Variants in CPNE4 observed in about 807,000 individuals in gnomAD.
CPNE4 encodes copine-4.
A neutral mutation model predicts 67.9 loss-of-function variants in CPNE4; 25 were observed. That is an observed-to-expected ratio of 0.37 (90% CI 0.27 to 0.51). The LOEUF is 0.51. CPNE4 is among the 20% of genes least tolerant of loss of function. The pLI is 0.93. For synonymous variants in CPNE4, 242 were observed against 244.9 expected (o/e 0.99, Z 0.11); for missense variants, 464 against 690.8 (o/e 0.67, Z 3.68).
At chr3:131,571,631 AC>A (rs1937342552) in intron 10 of CPNE4, among the ~76,000 whole-genome samples, 1 of 151,824 alleles carries the variant, frequency 6.6e-6, no homozygotes, top group Admixed American at 6.6e-5. Context: ...TGCTGCTGCC[AC>A]CCTTGTTTAG....
intron 7 of CPNE4, among the ~76,000 whole-genome samples, chr3:131,657,529 T>C (rs1338584239): frequency 8.4e-6 from 1 of 118,594 alleles, no homozygotes; most frequent in African/African-American, 3.2e-5. Flanking sequence ...TAGAATTATC[T>C]GTATTTTTTT....
intron 2 of CPNE4, among the ~76,000 whole-genome samples, chr3:131,843,870 G>T (rs2085892116): frequency 6.6e-6 from 1 of 152,182 alleles, no homozygotes; most frequent in South Asian, 2.1e-4. Context: ...TGAGGGAGGA[G>T]ATTGAGGGGA....
At chr3:131,680,703 GCAGGTGGTATTTGGTTA>G (rs1477912316) in intron 6 of CPNE4, among the ~76,000 whole-genome samples, 1 of 151,902 alleles carries the variant, frequency 6.6e-6, no homozygotes, top group African/African-American at 2.4e-5. Flanking sequence ...GTTTTTGGGG[GCAGGTGGTATTTGGTTA>G]CATGAGTAAG....
At chr3:131,707,130 T>C (rs1285682471) in intron 3 of CPNE4, among the ~76,000 whole-genome samples, 1 of 152,206 alleles carries the variant, frequency 6.6e-6, no homozygotes, top group Non-Finnish European at 1.5e-5. Context: ...ATTCACTTGC[T>C]AGGGCCTCCA....
chr3:131,942,461 T>TGA (rs2071423471), intron 1 of CPNE4, among the ~76,000 whole-genome samples: 125 of 57,628 alleles, frequency 2.2e-3, no homozygotes, highest in Non-Finnish European at 2.9e-3. Flanking sequence ...TGTGTGTGTG[T>TGA]GTGAGAGAGA....
intron 2 of CPNE4, among the ~76,000 whole-genome samples, chr3:131,861,150 A>T (rs548530996): frequency 3.3e-5 from 5 of 152,332 alleles, no homozygotes; most frequent in African/African-American, 4.8e-5. Context: ...TGATTGTCAA[A>T]CATTCCTTAT....
At chr3:131,781,489 C>T (rs766568205) in intron 2 of CPNE4, among the ~76,000 whole-genome samples, 12 of 151,984 alleles carry the variant, frequency 7.9e-5, no homozygotes, top group Non-Finnish European at 1.5e-4. Flanking sequence ...TATGTGAAGG[C>T]CATTCAGAAT....
chr3:131,948,861 GA>G (rs1224134410), intron 1 of CPNE4, among the ~76,000 whole-genome samples: 2 of 151,810 alleles, frequency 1.3e-5, no homozygotes, highest in African/African-American at 4.8e-5. Context: ...TTCCATGCAG[GA>G]AAAAAACACA....
chr3:131,852,674 C>G (rs1464703611), intron 2 of CPNE4, among the ~76,000 whole-genome samples: 1 of 144,292 alleles, frequency 6.9e-6, no homozygotes, highest in Non-Finnish European at 1.5e-5. Flanking sequence ...GTGCAACAGA[C>G]AAAAAAAAAA....
intron 1 of CPNE4, among the ~76,000 whole-genome samples, chr3:132,003,335 T>C (rs959251403): frequency 1.3e-5 from 2 of 152,092 alleles, no homozygotes; most frequent in African/African-American, 4.8e-5. Flanking sequence ...TTTTAGATGA[T>C]GCTCTCTTTT....
intron 1 of CPNE4, among the ~76,000 whole-genome samples, chr3:131,935,497 A>G (rs2071195666): frequency 6.6e-6 from 1 of 152,150 alleles, no homozygotes; most frequent in Non-Finnish European, 1.5e-5. Context: ...TAAATGGGGT[A>G]GAGGAGAGAA....
intron 2 of CPNE4, among the ~76,000 whole-genome samples, chr3:131,827,558 A>C (rs1331770858): frequency 6.6e-6 from 1 of 152,062 alleles, no homozygotes; most frequent in African/African-American, 2.4e-5. Flanking sequence ...TAATGCAAAA[A>C]ACCTGCAAAA....
intron 2 of CPNE4, among the ~76,000 whole-genome samples, chr3:131,845,804 C>T (rs72989514): frequency 0.035 from 5,254 of 152,100 alleles, 228 homozygotes; most frequent in African/African-American, 0.099. Context: ...GAGGTTGTTC[C>T]GCTATCGTCT....
chr3:131,715,255 G>C (rs1017219210), intron 3 of CPNE4, among the ~76,000 whole-genome samples: 9 of 152,172 alleles, frequency 5.9e-5, no homozygotes, highest in African/African-American at 2.2e-4. Context: ...AAATTCAGTA[G>C]AGAAGCCCAG....
At chr3:131,902,292 T>C (rs1403217506) in intron 2 of CPNE4, among the ~76,000 whole-genome samples, 1 of 152,038 alleles carries the variant, frequency 6.6e-6, no homozygotes, top group Non-Finnish European at 1.5e-5. Flanking sequence ...TGTGCACGGG[T>C]GGCAAAGTTT....
chr3:132,038,198 A>G (rs1384757630), upstream of CPNE4, among the ~76,000 whole-genome samples: 1 of 152,052 alleles, frequency 6.6e-6, no homozygotes, highest in Non-Finnish European at 1.5e-5. Flanking sequence ...GTTTCTGTAT[A>G]TGCCTGAGGT....
chr3:132,026,951 C>T (rs1387142707), intron 1 of CPNE4, among the ~76,000 whole-genome samples: 1 of 152,190 alleles, frequency 6.6e-6, no homozygotes, highest in Admixed American at 6.5e-5. Context: ...ACTAAGTATG[C>T]TTACTTTTAA....
At chr3:131,584,379 C>T (rs909413284) in intron 8 of CPNE4, among the ~76,000 whole-genome samples, 5 of 152,174 alleles carry the variant, frequency 3.3e-5, no homozygotes, top group Admixed American at 1.3e-4. Flanking sequence ...TTCTTCCTTA[C>T]CTCAGGAAAT....
intron 12 of CPNE4, among the ~76,000 whole-genome samples, chr3:131,552,944 T>G (rs1174394032): frequency 6.6e-6 from 1 of 152,054 alleles, no homozygotes; most frequent in East Asian, 1.9e-4. Flanking sequence ...AGCTAAGCAG[T>G]TGACACTTAA....
Sources: gnomAD v4.1 joint callset for allele counts (sites outside exome capture counted in the v4.1 genomes callset) on GRCh38, gnomAD v4.1.1 for gene constraint, MANE v1.5 for transcripts, NCBI Gene and HGNC (gene_info 2026-07-23, HGNC 2026-07-21) for gene names.